Variants in CACNA2D3 observed in about 807,000 individuals in gnomAD.
The protein encoded by CACNA2D3 is voltage-dependent calcium channel subunit alpha-2/delta-3.
Under a neutral mutation model 160.6 loss-of-function variants are expected in CACNA2D3, and 60 were observed. The ratio of observed to expected loss-of-function variants is 0.37; its 90% CI spans 0.30 to 0.46. CACNA2D3 has a LOEUF of 0.46. Ranked by LOEUF, CACNA2D3 falls within the 20% of genes least tolerant of loss-of-function variation. The pLI, the probability that CACNA2D3 is intolerant of heterozygous loss-of-function variation, is 1.00. For synonymous variants in CACNA2D3, 558 were observed against 492.9 expected, an observed-to-expected ratio of 1.13 and a Z score of -1.75; for missense variants, 1,205 against 1,365.0, an observed-to-expected ratio of 0.88 and a Z score of 1.85.
intron 35 of CACNA2D3, among the ~76,000 whole-genome samples, chr3:55,068,084 G>A (rs146510718): frequency 9.8e-4 from 149 of 152,172 alleles, no homozygotes; most frequent in African/African-American, 3.1e-3. Context: ...ATGGTGTAGC[G>A]AGGAGGACCA....
chr3:54,367,754 T>C (rs991729972), intron 3 of CACNA2D3: 1 of 161,710 alleles, frequency 6.2e-6, no homozygotes, highest in Non-Finnish European at 1.4e-5. Context: ...CACCATCATG[T>C]TTTCCCAGAG....
At chr3:54,264,785 A>AC (rs1342899947) in intron 2 of CACNA2D3, among the ~76,000 whole-genome samples, 71 of 152,336 alleles carry the variant, frequency 4.7e-4, no homozygotes, top group African/African-American at 1.6e-3. Flanking sequence ...TGATCCAAAC[A>AC]CTACCAAGTT....
intron 2 of CACNA2D3, among the ~76,000 whole-genome samples, chr3:54,160,895 T>C (rs1455696304): frequency 9.9e-5 from 15 of 152,206 alleles, no homozygotes; most frequent in Non-Finnish European, 1.9e-4. Flanking sequence ...AGAAATTAAA[T>C]TGCCTGAAGA....
At chr3:54,871,224 C>CACACAT (rs1491220764) in intron 17 of CACNA2D3, among the ~76,000 whole-genome samples, 16 of 109,168 alleles carry the variant, frequency 1.5e-4, no homozygotes, top group African/African-American at 5.8e-4. Flanking sequence ...CACACACACA[C>CACACAT]CCCCCATTCA....
intron 2 of CACNA2D3, among the ~76,000 whole-genome samples, chr3:54,276,971 C>T (rs72986063): frequency 0.013 from 2,036 of 152,292 alleles, 44 homozygotes; most frequent in African/African-American, 0.047. Context: ...GCAGGCATGC[C>T]GCTTCTTGTT....
intron 2 of CACNA2D3, among the ~76,000 whole-genome samples, chr3:54,236,889 A>AT (rs898241478): frequency 2.2e-4 from 33 of 152,142 alleles, no homozygotes; most frequent in African/African-American, 8.0e-4. Context: ...GTAGTATATC[A>AT]TGCCATTGGC....
chr3:54,210,438 G>GTT (rs1193358208), intron 2 of CACNA2D3, among the ~76,000 whole-genome samples: 1 of 151,540 alleles, frequency 6.6e-6, no homozygotes, highest in African/African-American at 2.4e-5. Context: ...GTGTGTGTGT[G>GTT]TGTTTGTGTG....
At position 54,626,595 on chromosome 3, in the gene CACNA2D3, C is replaced by T. The variant is rs183753629; in HGVS notation, c.964-1192C>T. 2.4e-4 allele frequency: 355 copies of T among 1,493,704 alleles called. No individual in the cohort carries two copies. In the East Asian group the frequency reaches 3.4e-3, roughly 14 times the overall value. The allele number at this position is 1,493,704 out of a possible 1,614,324, so 92.5% of individuals were successfully genotyped here. ...CCATCACCTACAAGCCCATAAAGCA[C>T]GGCGGGCCCGGCATCGGGGCCAGCC... On this transcript the variant is annotated intron_variant, in intron 9 of 37. Transcript: ENST00000474759.
chr3:54,716,690 A>G (rs1701057086), intron 11 of CACNA2D3, among the ~76,000 whole-genome samples: 1 of 152,106 alleles, frequency 6.6e-6, no homozygotes, highest in Admixed American at 6.5e-5. Flanking sequence ...TGTAGCTATC[A>G]GTTTAGGAAC....
Position 54,314,505 on chromosome 3 carries a change from T to G in CACNA2D3, c.205-5937T>G, listed in dbSNP as rs572844659. 2.1e-4 allele frequency among the ~76,000 whole-genome samples: 32 copies of G among 152,378 alleles called. No homozygotes were observed. In the South Asian group the frequency reaches 6.4e-3, roughly 31 times the overall value. The stretch of plus-strand genomic sequence containing the variant: ...ATACTGTTTTCTATAGTGGTTGTAC[T>G]AGTTTACATTCCCACCAGTAGTGTA... On this transcript the variant is annotated intron_variant, in intron 2 of 37. Transcript: ENST00000474759.
intron 21 of CACNA2D3, among the ~76,000 whole-genome samples, chr3:54,883,979 A>G (rs1699868772): frequency 6.6e-6 from 1 of 152,138 alleles, no homozygotes; most frequent in Non-Finnish European, 1.5e-5. Context: ...ATTAAATACA[A>G]TGAAGGCAGT....
At chr3:54,419,958 G>A (rs1413651908) in intron 4 of CACNA2D3, among the ~76,000 whole-genome samples, 2 of 152,022 alleles carry the variant, frequency 1.3e-5, no homozygotes, top group East Asian at 3.9e-4. Context: ...TAGAGACGGG[G>A]TTTCACCATG....
intron 4 of CACNA2D3, among the ~76,000 whole-genome samples, chr3:54,473,735 A>C (rs377114377): frequency 1.2e-3 from 187 of 152,372 alleles, no homozygotes; most frequent in African/African-American, 4.4e-3. Flanking sequence ...AAATCAACAG[A>C]CACTTCTCAA....
At chr3:54,314,510 T>G (rs1188178856) in intron 2 of CACNA2D3, among the ~76,000 whole-genome samples, 3 of 152,260 alleles carry the variant, frequency 2.0e-5, no homozygotes, top group African/African-American at 7.2e-5. Flanking sequence ...TGTACTAGTT[T>G]ACATTCCCAC....
intron 31 of CACNA2D3, among the ~76,000 whole-genome samples, chr3:54,989,449 AG>A (rs1476514915): frequency 2.0e-5 from 3 of 152,222 alleles, no homozygotes; most frequent in Non-Finnish European, 4.4e-5. Flanking sequence ...GCTGTCATCC[AG>A]GAGCAAGTTG....
chr3:54,178,112 A>C (rs1454291924), intron 2 of CACNA2D3, among the ~76,000 whole-genome samples: 1 of 152,180 alleles, frequency 6.6e-6, no homozygotes, highest in Non-Finnish European at 1.5e-5. Flanking sequence ...AGTAAGCTGG[A>C]GAGCTTCCTT....
chr3:54,709,795 A>G (rs1436862357), intron 11 of CACNA2D3, among the ~76,000 whole-genome samples: 3 of 152,142 alleles, frequency 2.0e-5, no homozygotes, highest in Non-Finnish European at 4.4e-5. Context: ...AAATGATGGC[A>G]TGTGCCTGTG....
intron 27 of CACNA2D3, chr3:54,925,088 A>G: frequency 1.2e-6 from 2 of 1,614,144 alleles, no homozygotes; most frequent in Non-Finnish European, 1.7e-6. Context: ...GTAAATGGGA[A>G]GGGATTTCGG....
intron 14 of CACNA2D3, among the ~76,000 whole-genome samples, chr3:54,834,018 C>T (rs1184540345): frequency 6.6e-6 from 1 of 152,092 alleles, no homozygotes; most frequent in Non-Finnish European, 1.5e-5. Flanking sequence ...TGAATGGTTT[C>T]AGTACAAATG....
Sources: gnomAD v4.1 joint callset for allele counts (sites outside exome capture counted in the v4.1 genomes callset) on GRCh38, gnomAD v4.1.1 for gene constraint, MANE v1.5 for transcripts, NCBI Gene and HGNC (gene_info 2026-07-23, HGNC 2026-07-21) for gene names.